The following PDGFD variants were observed in gnomAD, a reference collection of about 807,000 sequenced individuals.
PDGFD encodes the protein platelet-derived growth factor D.
In PDGFD, 30 loss-of-function variants were observed where a neutral mutation model predicts 44.7. That is an observed-to-expected ratio of 0.67 (90% CI 0.50 to 0.91). The LOEUF is 0.91. Ranked by LOEUF, PDGFD falls within the 40% of genes least tolerant of loss-of-function variation. The pLI, the probability that PDGFD is intolerant of heterozygous loss-of-function variation, is 0.00. For missense variants in PDGFD, 445 were observed against 457.8 expected (o/e 0.97, Z 0.25); for synonymous variants, 173 against 168.4 (o/e 1.03, Z -0.21).
intron 1 of PDGFD, among the ~76,000 whole-genome samples, chr11:104,072,596 T>C (rs962400460): frequency 6.6e-6 from 1 of 151,944 alleles, no homozygotes; most frequent in African/African-American, 2.4e-5. Flanking sequence ...AGGAAACCTC[T>C]AGTACAATGT....
chr11:104,034,123 C>T (rs1378770998), intron 1 of PDGFD, among the ~76,000 whole-genome samples: 1 of 152,162 alleles, frequency 6.6e-6, no homozygotes, highest in Non-Finnish European at 1.5e-5. Context: ...AGGATGTCTT[C>T]TCTCCCCAAC....
intron 6 of PDGFD, among the ~76,000 whole-genome samples, chr11:103,922,748 TA>T (rs1302028581): frequency 1.3e-5 from 2 of 152,000 alleles, no homozygotes. Flanking sequence ...ATTATTTATT[TA>T]TTTTTTTTTT....
intron 2 of PDGFD, among the ~76,000 whole-genome samples, chr11:103,998,839 C>T (rs1458373318): frequency 6.6e-6 from 1 of 152,126 alleles, no homozygotes; most frequent in Admixed American, 6.5e-5. Flanking sequence ...GGAGGATTAA[C>T]TGCTGTGGGA....
chr11:104,016,927 A>G (rs997213439), intron 1 of PDGFD, among the ~76,000 whole-genome samples: 1 of 152,200 alleles, frequency 6.6e-6, no homozygotes, highest in Non-Finnish European at 1.5e-5. Flanking sequence ...TGACTTTTTC[A>G]GCCATGAAAT....
At chr11:103,948,162 T>C (rs1333279371) in intron 3 of PDGFD, among the ~76,000 whole-genome samples, 1 of 152,228 alleles carries the variant, frequency 6.6e-6, no homozygotes, top group Non-Finnish European at 1.5e-5. Context: ...ATTATTGACA[T>C]ATAGTTGGTT....
At chr11:104,151,508 G>A (rs1862245123) in intron 1 of PDGFD, among the ~76,000 whole-genome samples, 1 of 152,066 alleles carries the variant, frequency 6.6e-6, no homozygotes, top group Admixed American at 6.6e-5. Flanking sequence ...GACTTCGTTA[G>A]TTTAATTTAC....
chr11:104,087,334 G>A (rs989300736), intron 1 of PDGFD, among the ~76,000 whole-genome samples: 31 of 151,706 alleles, frequency 2.0e-4, no homozygotes, highest in East Asian at 3.9e-4. Context: ...TCAGCCTTCC[G>A]AGTAGCTGGG....
chr11:103,932,795 T>TA (rs1858425529), intron 5 of PDGFD, among the ~76,000 whole-genome samples: 1 of 152,250 alleles, frequency 6.6e-6, no homozygotes, highest in Non-Finnish European at 1.5e-5. Context: ...TTTAATTTTT[T>TA]ATCACAAAGG....
intron 3 of PDGFD, among the ~76,000 whole-genome samples, chr11:103,974,687 T>C (rs1340478918): frequency 6.6e-6 from 1 of 152,124 alleles, no homozygotes; most frequent in African/African-American, 2.4e-5. Context: ...GTCCATGTGT[T>C]CTCACTGTTC....
intron 1 of PDGFD, among the ~76,000 whole-genome samples, chr11:104,064,082 T>C (rs566261766): frequency 1.4e-4 from 22 of 152,234 alleles, no homozygotes; most frequent in African/African-American, 5.1e-4. Context: ...ATGTCAGTGA[T>C]GTAAATACAA....
intron 1 of PDGFD, among the ~76,000 whole-genome samples, chr11:104,090,025 T>C (rs117771696): frequency 4.6e-4 from 70 of 152,312 alleles, no homozygotes; most frequent in Non-Finnish European, 6.9e-4. Context: ...AATTAGGAGC[T>C]ATTGTCCCTA....
At chr11:104,075,247 G>A (rs1860939695) in intron 1 of PDGFD, among the ~76,000 whole-genome samples, 1 of 152,126 alleles carries the variant, frequency 6.6e-6, no homozygotes. Flanking sequence ...ATAATTAAAT[G>A]AAGCATGTTA....
At chr11:104,072,925 C>A (rs116452252) in intron 1 of PDGFD, among the ~76,000 whole-genome samples, 1 of 151,996 alleles carries the variant, frequency 6.6e-6, no homozygotes, top group Non-Finnish European at 1.5e-5. Flanking sequence ...ATTTTGCCCA[C>A]AAGCTGGATA....
chr11:103,960,512 G>A (rs1251458724), intron 3 of PDGFD, among the ~76,000 whole-genome samples: 1 of 152,188 alleles, frequency 6.6e-6, no homozygotes, highest in Non-Finnish European at 1.5e-5. Flanking sequence ...AATGACCAAA[G>A]TATGTAAGTC....
intron 1 of PDGFD, among the ~76,000 whole-genome samples, chr11:104,021,424 T>C (rs565492701): frequency 6.6e-6 from 1 of 152,286 alleles, no homozygotes; most frequent in South Asian, 2.1e-4. Context: ...TCCTGCCCCA[T>C]TGATACTGAG....
chr11:104,008,042 T>C (rs541837383), intron 1 of PDGFD, among the ~76,000 whole-genome samples: 1 of 152,184 alleles, frequency 6.6e-6, no homozygotes, highest in South Asian at 2.1e-4. Context: ...AAGCTTTCCA[T>C]ATTTAAGAGC....
At chr11:104,121,238 A>T (rs1268914365) in intron 1 of PDGFD, among the ~76,000 whole-genome samples, 1 of 151,998 alleles carries the variant, frequency 6.6e-6, no homozygotes, top group Non-Finnish European at 1.5e-5. Flanking sequence ...TTCTTCAGAC[A>T]CCTATAATGT....
chr11:104,068,762 T>C (rs1396210962), intron 1 of PDGFD, among the ~76,000 whole-genome samples: 1 of 152,180 alleles, frequency 6.6e-6, no homozygotes, highest in African/African-American at 2.4e-5. Flanking sequence ...ATGAATACTC[T>C]TTATCAAGAT....
At chr11:104,116,843 G>T (rs192651157) in intron 1 of PDGFD, among the ~76,000 whole-genome samples, 1 of 152,014 alleles carries the variant, frequency 6.6e-6, no homozygotes, top group African/African-American at 2.4e-5. Context: ...GTTTATCAGG[G>T]GTTTCTGCTT....
Sources: gnomAD v4.1 joint callset for allele counts (sites outside exome capture counted in the v4.1 genomes callset) on GRCh38, gnomAD v4.1.1 for gene constraint, MANE v1.5 for transcripts, NCBI Gene and HGNC (gene_info 2026-07-23, HGNC 2026-07-21) for gene names.